Variants in PTPRD observed in about 807,000 individuals in gnomAD.
PTPRD encodes receptor-type tyrosine-protein phosphatase delta.
PTPRD carries 34 observed loss-of-function variants against 214.5 expected under a neutral mutation model. The observed-to-expected ratio is 0.16, with a 90% CI of 0.12 to 0.21. PTPRD has a LOEUF of 0.21. Among genes scored for constraint, PTPRD ranks in the 10% least tolerant of loss-of-function variants. PTPRD has a pLI of 1.00. For missense variants in PTPRD, 2,545 were observed against 2,398.7 expected (o/e 1.06, Z -1.27); for synonymous variants, 1,128 against 845.7 (o/e 1.33, Z -5.79).
At chr9:9,293,632 C>T (rs944320197) in intron 9 of PTPRD, among the ~76,000 whole-genome samples, 6 of 151,384 alleles carry the variant, frequency 4.0e-5, no homozygotes, top group African/African-American at 1.2e-4. Flanking sequence ...ACGTATATAC[C>T]GTAATACCCC....
At chr9:8,850,256 G>C (rs913993284) in intron 11 of PTPRD, among the ~76,000 whole-genome samples, 1 of 152,098 alleles carries the variant, frequency 6.6e-6, no homozygotes, top group East Asian at 1.9e-4. Context: ...TTATTTTGAA[G>C]GTTATCTATG....
chr9:9,680,472 C>G (rs546286752), intron 7 of PTPRD, among the ~76,000 whole-genome samples: 2 of 151,734 alleles, frequency 1.3e-5, no homozygotes, highest in Admixed American at 6.6e-5. Flanking sequence ...AACACAAATT[C>G]TTTTATCATA....
intron 11 of PTPRD, among the ~76,000 whole-genome samples, chr9:8,824,691 T>C (rs2097141578): frequency 6.6e-6 from 1 of 152,192 alleles, no homozygotes; most frequent in African/African-American, 2.4e-5. Flanking sequence ...CTGATTGTAA[T>C]GTGCCCAGAA....
intron 9 of PTPRD, among the ~76,000 whole-genome samples, chr9:9,357,070 T>C (rs2054086277): frequency 6.6e-6 from 1 of 151,362 alleles, no homozygotes; most frequent in African/African-American, 2.4e-5. Flanking sequence ...AATCCGTCAG[T>C]AGACTTTAAT....
intron 3 of PTPRD, among the ~76,000 whole-genome samples, chr9:10,090,427 T>G: frequency 6.6e-6 from 1 of 151,370 alleles, no homozygotes; most frequent in East Asian, 2.0e-4. Flanking sequence ...TTCATGGCAA[T>G]TCTTAAAGGG....
At chr9:10,045,173 T>C (rs553886311) in intron 3 of PTPRD, among the ~76,000 whole-genome samples, 1 of 151,928 alleles carries the variant, frequency 6.6e-6, no homozygotes, top group East Asian at 1.9e-4. Flanking sequence ...TCAGAAAATA[T>C]CTATTTTAAC....
intron 2 of PTPRD, among the ~76,000 whole-genome samples, chr9:10,443,222 C>G (rs1030794414): frequency 6.6e-6 from 1 of 151,450 alleles, no homozygotes; most frequent in African/African-American, 2.4e-5. Flanking sequence ...TTCTTAGAAT[C>G]CGGTCACATA....
chr9:9,371,296 T>C (rs1315483357), intron 9 of PTPRD, among the ~76,000 whole-genome samples: 1 of 152,174 alleles, frequency 6.6e-6, no homozygotes, highest in Non-Finnish European at 1.5e-5. Context: ...CAGAGCCTGT[T>C]ATTGGTCTAT....
At chr9:9,853,539 G>GT (rs533529224) in intron 5 of PTPRD, among the ~76,000 whole-genome samples, 331 of 151,444 alleles carry the variant, frequency 2.2e-3, no homozygotes, top group Middle Eastern at 0.021. Context: ...ATTTTTAAGG[G>GT]TTTTTTTTGT....
chr9:9,371,736 T>C (rs7872871), intron 9 of PTPRD, among the ~76,000 whole-genome samples: 30,045 of 152,100 alleles, frequency 0.2, 3,381 homozygotes, highest in East Asian at 0.33. Context: ...TCCTGCTTTC[T>C]CTTGTGGGCA....
chr9:9,498,006 G>C (rs2096263789), intron 8 of PTPRD, among the ~76,000 whole-genome samples: 1 of 152,028 alleles, frequency 6.6e-6, no homozygotes, highest in Non-Finnish European at 1.5e-5. Flanking sequence ...AATGTATTTT[G>C]CTTGCCTGAG....
chr9:10,248,533 A>AAAAAAAAAAAAAAAAAC (rs60272481), intron 3 of PTPRD, among the ~76,000 whole-genome samples: 1 of 127,442 alleles, frequency 7.8e-6, no homozygotes, highest in Non-Finnish European at 1.6e-5. Flanking sequence ...AAAATAAAAA[A>AAAAAAAAAAAAAAAAAC]AATAAAGCGA....
chr9:9,622,806 A>G (rs925538571), intron 7 of PTPRD, among the ~76,000 whole-genome samples: 1 of 152,236 alleles, frequency 6.6e-6, no homozygotes, highest in Non-Finnish European at 1.5e-5. Flanking sequence ...CAGGAATCTC[A>G]CAACAGGGGT....
At chr9:9,251,841 G>T (rs527352670) in intron 9 of PTPRD, among the ~76,000 whole-genome samples, 3 of 152,192 alleles carry the variant, frequency 2.0e-5, no homozygotes, top group Non-Finnish European at 4.4e-5. Flanking sequence ...TGAAATATCA[G>T]ATTTAGTCGC....
At chr9:8,802,082 T>C (rs74838186) in intron 11 of PTPRD, among the ~76,000 whole-genome samples, 2,322 of 152,292 alleles carry the variant, frequency 0.015, 69 homozygotes, top group African/African-American at 0.053. Context: ...GACTGTATAA[T>C]GATTAAATTG....
intron 3 of PTPRD, among the ~76,000 whole-genome samples, chr9:10,224,633 T>C (rs371141094): frequency 6.6e-6 from 1 of 152,164 alleles, no homozygotes; most frequent in East Asian, 1.9e-4. Flanking sequence ...TGATAGTTTC[T>C]TGTTAGAAAA....
Position 9,601,121 on chromosome 9 carries a change from G to A in PTPRD, c.-286-26340C>T, listed in dbSNP as rs1007289395. 2.0e-4 allele frequency among the ~76,000 whole-genome samples: 24 copies of A among 117,632 alleles called. 1 individual carries two copies. Among genetic ancestry groups the A allele is most frequent in the Non-Finnish European group, 3.8e-4 (22 of 57,740 alleles). 77.2% of individuals were successfully genotyped at this position (117,632 alleles called of 152,430 possible). Reference sequence around the variant, plus strand: ...AAAAGAGATTAATATATGTGTGTGTGTGTGTGTGTGTGTGTGTGTGTGTGT... The same window carrying A: ...AAAAGAGATTAATATATGTGTGTGTATGTGTGTGTGTGTGTGTGTGTGTGT... On this transcript the variant is annotated intron_variant, in intron 7 of 45. Transcript: ENST00000381196.
chr9:9,574,303 A>T (rs930407311), intron 8 of PTPRD, among the ~76,000 whole-genome samples: 2 of 151,928 alleles, frequency 1.3e-5, no homozygotes, highest in Non-Finnish European at 2.9e-5. Context: ...CTTTACTCTC[A>T]ACTTCCTGGA....
chr9:9,345,167 C>A (rs2137639929), intron 9 of PTPRD, among the ~76,000 whole-genome samples: 1 of 152,208 alleles, frequency 6.6e-6, no homozygotes, highest in Non-Finnish European at 1.5e-5. Flanking sequence ...GACAAAGTAC[C>A]ATATTCACAC....
Sources: allele counts gnomAD v4.1 joint callset (sites outside exome capture counted in the v4.1 genomes callset), GRCh38; gene constraint gnomAD v4.1.1; transcripts MANE v1.5; gene names NCBI Gene and HGNC (gene_info 2026-07-23, HGNC 2026-07-21).